GALM: variants seen among roughly 807,000 people sequenced by gnomAD.
GALM encodes galactose mutarotase, also known as aldose 1-epimerase.
In GALM, 43 loss-of-function variants were observed where a neutral mutation model predicts 37.4. The observed-to-expected ratio is 1.15, with a 90% CI of 0.90 to 1.48. The LOEUF (loss-of-function observed/expected upper bound fraction) is 1.48, where lower values mean the gene tolerates loss of function less well. Among genes scored for constraint, GALM ranks in the 40% most tolerant of loss-of-function variants. The pLI is 0.00. For synonymous variants in GALM, 199 were observed against 170.6 expected (o/e 1.17, Z -1.30); for missense variants, 456 against 419.1 (o/e 1.09, Z -0.77).
At chr2:38,675,590 A>T (rs1297872827) in intron 1 of GALM, among the ~76,000 whole-genome samples, 1 of 90,956 alleles carries the variant, frequency 1.1e-5, no homozygotes, top group South Asian at 3.9e-4. Flanking sequence ...TGTGTGTGTG[A>T]TGGAGTCTCG....
At chr2:38,703,959 T>A (rs1665982863) in intron 4 of GALM, among the ~76,000 whole-genome samples, 2 of 151,742 alleles carry the variant, frequency 1.3e-5, no homozygotes, top group Admixed American at 1.3e-4. Flanking sequence ...GAGGTTGCAG[T>A]AAGCCAAGAT....
chr2:38,725,390 G>A (rs1451144647), intron 4 of GALM, among the ~76,000 whole-genome samples: 1 of 151,656 alleles, frequency 6.6e-6, no homozygotes. Flanking sequence ...TTAAAAATTA[G>A]CCAGGGGTGC....
At chr2:38,730,855 A>C (rs1241431556) in intron 5 of GALM, among the ~76,000 whole-genome samples, 1 of 151,552 alleles carries the variant, frequency 6.6e-6, no homozygotes, top group African/African-American at 2.4e-5. Flanking sequence ...CAGGGGGTGG[A>C]AGTTGTAGTG....
At chr2:38,707,866 G>C (rs1409766422) in intron 4 of GALM, among the ~76,000 whole-genome samples, 1 of 152,060 alleles carries the variant, frequency 6.6e-6, no homozygotes, top group African/African-American at 2.4e-5. Context: ...CCAGCACTCT[G>C]GGAGGCCGAG....
At chr2:38,676,924 A>G (rs991643394) in intron 2 of GALM, among the ~76,000 whole-genome samples, 2 of 152,150 alleles carry the variant, frequency 1.3e-5, no homozygotes, top group Admixed American at 6.5e-5. Flanking sequence ...ACCTGTCATT[A>G]AGCCCCCCGC....
chr2:38,699,641 G>A (rs530503210), intron 4 of GALM, among the ~76,000 whole-genome samples: 2 of 152,140 alleles, frequency 1.3e-5, no homozygotes, highest in South Asian at 4.2e-4. Context: ...AACATAGCAA[G>A]AACCATCTTA....
chr2:38,720,846 A>G lies in GALM; in HGVS notation c.635-8710A>G, dbSNP rs866549379. Among the ~76,000 whole-genome samples, 20 of 152,310 alleles carry G rather than the reference A, an allele frequency of 1.3e-4. No homozygotes were observed. In the Middle Eastern group the frequency reaches 0.01, roughly 78 times the overall value. Reference sequence around the variant, plus strand: ...CTTACAGTATGGTGGCAGGGCTCCAAGGGCAAATGTCTTGAGAGAGAGAGA... The same window carrying G: ...CTTACAGTATGGTGGCAGGGCTCCAGGGGCAAATGTCTTGAGAGAGAGAGA... On this transcript the variant is annotated intron_variant, in intron 4 of 6. Transcript: ENST00000272252.
chr2:38,711,373 C>G lies in GALM; in HGVS notation c.635-18183C>G, dbSNP rs931924691. 5.3e-5 allele frequency among the ~76,000 whole-genome samples: 8 copies of G among 151,942 alleles called. No homozygotes were observed. In the East Asian group the frequency reaches 9.7e-4, roughly 18 times the overall value. On this transcript the variant is annotated intron_variant, in intron 4 of 6. Transcript: ENST00000272252. ...ACAGGGTTTCACGACGTTGGTCACGCTGGTCTCGAACTCCCAACCTCAGGT... is the reference window on the plus strand; with the variant it reads ...ACAGGGTTTCACGACGTTGGTCACGGTGGTCTCGAACTCCCAACCTCAGGT...
At chr2:38,677,577 G>A (rs894396227) in intron 2 of GALM, among the ~76,000 whole-genome samples, 2 of 152,206 alleles carry the variant, frequency 1.3e-5, no homozygotes, top group Non-Finnish European at 2.9e-5. Context: ...GCTTCAGACA[G>A]GGATCTTCAG....
intron 3 of GALM, among the ~76,000 whole-genome samples, chr2:38,683,510 G>C (rs979057894): frequency 6.6e-6 from 1 of 151,632 alleles, no homozygotes; most frequent in Non-Finnish European, 1.5e-5. Context: ...GACTACTTCT[G>C]AGCGTCATGT....
Position 38,697,163 on chromosome 2 carries a change from T to C in GALM, c.634+7269T>C, listed in dbSNP as rs138760467. 3.4e-3 allele frequency among the ~76,000 whole-genome samples: 519 copies of C among 152,228 alleles called. 2 individuals carry two copies. Among genetic ancestry groups the C allele is most frequent in the Middle Eastern group, 0.027 (8 of 294 alleles). ...ACTGTGTCTGAAAAAGTGGCTTATGTGGGGAAATTTGTGATGGATTTAGGG... is the reference window on the plus strand; with the variant it reads ...ACTGTGTCTGAAAAAGTGGCTTATGCGGGGAAATTTGTGATGGATTTAGGG... On this transcript the variant is annotated intron_variant, in intron 4 of 6. Transcript: ENST00000272252.
At chr2:38,675,067 C>T (rs1185430378) in intron 1 of GALM, among the ~76,000 whole-genome samples, 1 of 152,116 alleles carries the variant, frequency 6.6e-6, no homozygotes, top group Admixed American at 6.6e-5. Flanking sequence ...CCCAGCTACT[C>T]AGGAGGCTGA....
At chr2:38,703,065 TATATATATATATATATATATATATATA>T (rs1388258051) in intron 4 of GALM, among the ~76,000 whole-genome samples, 7 of 4,430 alleles carry the variant, frequency 1.6e-3, no homozygotes, top group African/African-American at 2.9e-3. Flanking sequence ...TATATATATA[TATATATATATATATATATATATATATA>T]TTTTTTTTTT....
intron 1 of GALM, among the ~76,000 whole-genome samples, chr2:38,667,266 T>G (rs985777055): frequency 6.6e-6 from 1 of 152,150 alleles, no homozygotes; most frequent in Non-Finnish European, 1.5e-5. Flanking sequence ...CAAATTCTGC[T>G]GGAGAGGAGG....
chr2:38,668,220 C>G (rs1665004225), intron 1 of GALM: 1 of 152,174 alleles, frequency 6.6e-6, no homozygotes, highest in African/African-American at 2.4e-5. Context: ...GAGTCTCGCT[C>G]TGTCACCCAG....
intron 4 of GALM, among the ~76,000 whole-genome samples, chr2:38,693,686 T>C (rs1226253455): frequency 6.6e-6 from 1 of 152,308 alleles, no homozygotes; most frequent in East Asian, 1.9e-4. Flanking sequence ...AAATAATTCA[T>C]ACCACAAGCC....
At chr2:38,719,279 G>T (rs1490315531) in intron 4 of GALM, among the ~76,000 whole-genome samples, 5 of 151,612 alleles carry the variant, frequency 3.3e-5, no homozygotes, top group African/African-American at 1.2e-4. Context: ...AGACCAGCTT[G>T]GCCAAGATGG....
At chr2:38,727,466 C>G (rs560001464) in intron 4 of GALM, among the ~76,000 whole-genome samples, 1 of 151,976 alleles carries the variant, frequency 6.6e-6, no homozygotes, top group Non-Finnish European at 1.5e-5. Context: ...CAGTGGTTCA[C>G]GCCTGTAATC....
At chr2:38,699,821 T>C (rs1054470712) in intron 4 of GALM, among the ~76,000 whole-genome samples, 25 of 152,240 alleles carry the variant, frequency 1.6e-4, no homozygotes, top group Admixed American at 1.2e-3. Context: ...TATTTTAAAT[T>C]TGTTGAGACT....
Sources: gnomAD v4.1 joint callset for allele counts (sites outside exome capture counted in the v4.1 genomes callset) on GRCh38, gnomAD v4.1.1 for gene constraint, MANE v1.5 for transcripts, NCBI Gene and HGNC (gene_info 2026-07-23, HGNC 2026-07-21) for gene names.